TMEM179: variants seen among roughly 807,000 people sequenced by gnomAD.
The protein encoded by TMEM179 is transmembrane protein 179A.
In TMEM179, 17 loss-of-function variants were observed where a neutral mutation model predicts 22.2. That is an observed-to-expected ratio of 0.77 (90% CI 0.52 to 1.15). The LOEUF (loss-of-function observed/expected upper bound fraction) is 1.15, where lower values mean the gene tolerates loss of function less well. Among genes scored for constraint, TMEM179 ranks in the 50% most tolerant of loss-of-function variants. TMEM179 has a pLI of 0.00. For missense variants in TMEM179, 265 were observed against 313.6 expected, an observed-to-expected ratio of 0.84 and a Z score of 1.17; for synonymous variants, 127 against 140.5, an observed-to-expected ratio of 0.90 and a Z score of 0.68.
At chr14:104,601,686 C>T (rs906992558) in intron 1 of TMEM179, among the ~76,000 whole-genome samples, 1 of 152,102 alleles carries the variant, frequency 6.6e-6, no homozygotes, top group Non-Finnish European at 1.5e-5. Flanking sequence ...CACCAGATGT[C>T]CCTGGAAAAG....
intron 1 of TMEM179, among the ~76,000 whole-genome samples, chr14:104,603,118 C>A (rs559297696): frequency 6.6e-6 from 1 of 152,152 alleles, no homozygotes; most frequent in Non-Finnish European, 1.5e-5. Context: ...AGCCCCAGGG[C>A]GCTCCTACCC....
rs1339322910 is a variant in TMEM179 at position 104,604,296 on chromosome 14, G to T, written c.305+141C>A. ...TAGACAAAGGGCGGTCTGAGTGGAGGGGGTGAGGGCGGATTGTTGACATTT... is the reference window on the plus strand; with the variant it reads ...TAGACAAAGGGCGGTCTGAGTGGAGTGGGTGAGGGCGGATTGTTGACATTT... On this transcript the variant is annotated intron_variant, in intron 1 of 3. Coordinates refer to ENST00000556573, the MANE Select transcript of TMEM179 (RefSeq NM_001286389.2). The surrounding 1 kb of genome is among the most constrained non-coding windows in gnomAD (Gnocchi z 4.6). The T allele has an allele frequency of 2.2e-6, 2 of 908,462 alleles. No individual in the cohort carries two copies. The highest frequency in any genetic ancestry group is 3.2e-5 in the East Asian group (1 of 31,446). 56.3% of individuals were successfully genotyped at this position (908,462 alleles called of 1,614,324 possible). A position where few individuals can be genotyped will look rare whatever the true frequency, so the allele number is the denominator to read the frequency against.
In TMEM179 at chr14:104,604,398, C is replaced by T. The variant is rs769854769; in HGVS notation, c.305+39G>A. 6.2e-6 allele frequency: 9 copies of T among 1,461,374 alleles called. No homozygotes were observed. Among genetic ancestry groups the T allele is most frequent in the African/African-American group, 1.5e-5 (1 of 67,912 alleles). The allele number at this position is 1,461,374 out of a possible 1,614,324, so 90.5% of individuals were successfully genotyped here. A position where few individuals can be genotyped will look rare whatever the true frequency, so the allele number is the denominator to read the frequency against. The stretch of plus-strand genomic sequence containing the variant: ...GAGGTGGGTCTGGGGGCGCTGGGGG[C>T]ATGGAAGGGGCGCCGCGCCGGGAGC... On this transcript the variant is annotated intron_variant, in intron 1 of 3. Transcript: ENST00000556573. This position sits in a 1 kb window ranked among gnomAD's most constrained non-coding sequence, Gnocchi z 4.6.
At position 104,595,900 on chromosome 14, in the gene TMEM179, C is replaced by G. The variant is rs147354635; in HGVS notation, c.444-657G>C. On this transcript the variant is annotated intron_variant, in intron 2 of 3. Coordinates refer to ENST00000556573, the MANE Select transcript of TMEM179 (RefSeq NM_001286389.2). This position sits in a 1 kb window ranked among gnomAD's most constrained non-coding sequence, Gnocchi z 5.7. ...GGAGCAGGGTGCCAGAAAGAGGGGG[C>G]CCAGCGGCCCCAAATCCCTGGAGGG... Among the ~76,000 whole-genome samples, 1 of 152,362 alleles carries G rather than the reference C, an allele frequency of 6.6e-6. No homozygotes were observed. The highest frequency in any genetic ancestry group is 1.5e-5 in the Non-Finnish European group (1 of 68,034).
chr14:104,602,412 G>A (rs1041150465), intron 1 of TMEM179, among the ~76,000 whole-genome samples: 3 of 152,158 alleles, frequency 2.0e-5, no homozygotes, highest in East Asian at 3.9e-4. Context: ...AAGTGCGTGA[G>A]CGATGAACCA....
Position 104,597,150 on chromosome 14 carries a change from C to A in TMEM179, c.306-23G>T, listed in dbSNP as rs1887056543. ...GAGCTGCAGCCAGAAACAGGAGGGG[C>A]AGGCTCACTGGACACCACCTCCCAG... On this transcript the variant is annotated intron_variant, in intron 1 of 3. Transcript: ENST00000556573. This position sits in a 1 kb window ranked among gnomAD's most constrained non-coding sequence, Gnocchi z 4.8. 6.4e-7 allele frequency: 1 copy of A among 1,566,446 alleles called. No individual in the cohort carries two copies.
chr14:104,592,546 TCA>T lies in TMEM179; in HGVS notation c.*931_*932del, dbSNP rs542039646. ...TGCACACTCATATCCTCCCATGCAG[TCA>T]CACACTCTCACATGCAGTCACACCC... is the stretch of plus-strand genomic sequence containing the variant. On this transcript the variant is annotated 3_prime_UTR_variant, in exon 4 of 4. Coordinates refer to ENST00000556573, the MANE Select transcript of TMEM179 (RefSeq NM_001286389.2). The T allele has an allele frequency of 2.1e-4, 33 of 153,598 alleles. 1 individual carries two copies. Among genetic ancestry groups the T allele is most frequent in the Middle Eastern group, 6.7e-3 (2 of 300 alleles). The allele number at this position is 153,598 out of a possible 1,614,324, so 9.5% of individuals were successfully genotyped here. A position where few individuals can be genotyped will look rare whatever the true frequency, so the allele number is the denominator to read the frequency against.
In TMEM179 at chr14:104,597,628, A is replaced by AC. The variant is rs1256565496; in HGVS notation, c.306-502dup. On this transcript the variant is annotated intron_variant, in intron 1 of 3. Coordinates refer to ENST00000556573, the MANE Select transcript of TMEM179 (RefSeq NM_001286389.2). The surrounding 1 kb of genome is among the most constrained non-coding windows in gnomAD (Gnocchi z 4.8). Reference sequence around the variant, plus strand: ...TGAAATGAGTGCCCTCCTAGGAGAGACCCCACCAAGCGAGCTCCCAGCAGA... The same window carrying AC: ...TGAAATGAGTGCCCTCCTAGGAGAGACCCCCACCAAGCGAGCTCCCAGCAGA... 2.0e-5 allele frequency among the ~76,000 whole-genome samples: 3 copies of AC among 151,878 alleles called. No homozygotes were observed. Among genetic ancestry groups the AC allele is most frequent in the Non-Finnish European group, 4.4e-5 (3 of 67,954 alleles).
intron 1 of TMEM179, among the ~76,000 whole-genome samples, chr14:104,603,385 G>C (rs1290168969): frequency 1.3e-5 from 2 of 152,174 alleles, no homozygotes; most frequent in Non-Finnish European, 2.9e-5. Flanking sequence ...GGTGAGGGCA[G>C]AGTTTGGGAG....
In TMEM179 at chr14:104,604,510, T is replaced by TGGCGAGCAGGCTGAAGCGGCAGGCGGCC. The variant is rs1217069145; in HGVS notation, c.204_231dup (p.Ser78GlyfsTer82). Reference sequence around the variant, plus strand: ...GCGGCCAGCAGCAGAGACAGGAGGCTGGCGAGCAGGCTGAAGCGGCAGGCG... The same window carrying TGGCGAGCAGGCTGAAGCGGCAGGCGGCC: ...GCGGCCAGCAGCAGAGACAGGAGGCTGGCGAGCAGGCTGAAGCGGCAGGCGGCCGGCGAGCAGGCTGAAGCGGCAGGCG... On this transcript the variant is annotated frameshift_variant, in exon 1 of 4. Transcript: ENST00000556573. LOFTEE classifies it high-confidence loss of function. The surrounding 1 kb of genome is among the most constrained non-coding windows in gnomAD (Gnocchi z 4.6). 1 of 1,570,288 alleles carries TGGCGAGCAGGCTGAAGCGGCAGGCGGCC rather than the reference T, an allele frequency of 6.4e-7. No homozygotes were observed. The highest frequency in any genetic ancestry group is 2.4e-5 in the East Asian group (1 of 41,874).
chr14:104,598,164 G>C (rs76814181), intron 1 of TMEM179, among the ~76,000 whole-genome samples: 11 of 152,122 alleles, frequency 7.2e-5, no homozygotes, highest in East Asian at 1.9e-4. Flanking sequence ...AAAGTCCCTC[G>C]AATGGGCCTG....
At chr14:104,601,958 G>A (rs1159912698) in intron 1 of TMEM179, among the ~76,000 whole-genome samples, 1 of 152,160 alleles carries the variant, frequency 6.6e-6, no homozygotes, top group African/African-American at 2.4e-5. Context: ...CGGTCAGCAG[G>A]GCTGCAGCAG....
In TMEM179 at chr14:104,597,296, G is replaced by C. The variant is rs1287342851; in HGVS notation, c.306-169C>G. Among the ~76,000 whole-genome samples, 1 of 152,096 alleles carries C rather than the reference G, an allele frequency of 6.6e-6. No homozygotes were observed. The highest frequency in any genetic ancestry group is 6.5e-5 in the Admixed American group (1 of 15,280). ...CCTCAGGATTCCTGGGTTGGGCCCT[G>C]TGGGGCCTCAAGGAGTTGTTCCCCC... is the stretch of plus-strand genomic sequence containing the variant. On this transcript the variant is annotated intron_variant, in intron 1 of 3. Transcript: ENST00000556573. The surrounding 1 kb of genome is among the most constrained non-coding windows in gnomAD (Gnocchi z 4.8).
At chr14:104,596,177 C>T (rs542052790) in intron 2 of TMEM179, among the ~76,000 whole-genome samples, 1 of 152,264 alleles carries the variant, frequency 6.6e-6, no homozygotes, top group South Asian at 2.1e-4. Flanking sequence ...GGAGCCCCTT[C>T]AGCTCTGCTG....
Position 104,593,411 on chromosome 14 carries a change from C to T in TMEM179, c.*68G>A. ...CCAGGCAGAGCCCCCCAGCTGCTTC[C>T]CCAGGCAGGCCCGTGCCCCCGAGCG... On this transcript the variant is annotated 3_prime_UTR_variant, in exon 4 of 4. Coordinates refer to ENST00000556573, the MANE Select transcript of TMEM179 (RefSeq NM_001286389.2). 6.6e-7 allele frequency: 1 copy of T among 1,525,456 alleles called. No homozygotes were observed. The highest frequency in any genetic ancestry group is 8.8e-7 in the Non-Finnish European group (1 of 1,138,792). The allele number at this position is 1,525,456 out of a possible 1,614,324, so 94.5% of individuals were successfully genotyped here.
chr14:104,595,734 G>A lies in TMEM179; in HGVS notation c.444-491C>T, dbSNP rs1243332993. On this transcript the variant is annotated intron_variant, in intron 2 of 3. Transcript: ENST00000556573. The surrounding 1 kb of genome is among the most constrained non-coding windows in gnomAD (Gnocchi z 5.7). The stretch of plus-strand genomic sequence containing the variant: ...AGATGGAGGTGGCATCCCCACCAAC[G>A]CTGCCCAGAAGCTCTGCCCCCATCA... 6.6e-6 allele frequency among the ~76,000 whole-genome samples: 1 copy of A among 152,220 alleles called. No individual in the cohort carries two copies. Among genetic ancestry groups the A allele is most frequent in the South Asian group, 2.1e-4 (1 of 4,836 alleles).
Position 104,595,378 on chromosome 14 carries a change from G to A in TMEM179, c.444-135C>T. The A allele has an allele frequency of 1.2e-6, 1 of 827,576 alleles. No individual in the cohort carries two copies. Among genetic ancestry groups the A allele is most frequent in the South Asian group, 1.7e-5 (1 of 57,924 alleles). The allele number at this position is 827,576 out of a possible 1,614,324, so 51.3% of individuals were successfully genotyped here. ...AGGGGGTGGGCAGCAGGGAGTCTCT[G>A]GGGACATCACGGAGGGTTAGCCTCG... On this transcript the variant is annotated intron_variant, in intron 2 of 3. Transcript: ENST00000556573. This position sits in a 1 kb window ranked among gnomAD's most constrained non-coding sequence, Gnocchi z 5.7.
In TMEM179 at chr14:104,597,261, C is replaced by G. The variant is rs561668281; in HGVS notation, c.306-134G>C. On this transcript the variant is annotated intron_variant, in intron 1 of 3. Transcript: ENST00000556573. The surrounding 1 kb of genome is among the most constrained non-coding windows in gnomAD (Gnocchi z 4.8). Reference sequence around the variant, plus strand: ...TCCTGGGCAACCCCCACCAGCAGCACCCCCCGGACCCTCAGGATTCCTGGG... The same window carrying G: ...TCCTGGGCAACCCCCACCAGCAGCAGCCCCCGGACCCTCAGGATTCCTGGG... The G allele has an allele frequency of 9.9e-6, 12 of 1,214,204 alleles. No individual in the cohort carries two copies. In the East Asian group the frequency reaches 2.1e-4, roughly 21 times the overall value. The allele number at this position is 1,214,204 out of a possible 1,614,324, so 75.2% of individuals were successfully genotyped here.
In TMEM179 at chr14:104,593,331, A is replaced by C; in HGVS notation, c.*148T>G. ...CTCACAGGTGGGCACTGGGGCGCTC[A>C]CCTCACTACACGTGGCGTCGAGGGG... is the stretch of plus-strand genomic sequence containing the variant. On this transcript the variant is annotated 3_prime_UTR_variant, in exon 4 of 4. Coordinates refer to ENST00000556573, the MANE Select transcript of TMEM179 (RefSeq NM_001286389.2). 1.0e-6 allele frequency: 1 copy of C among 959,056 alleles called. No homozygotes were observed. The highest frequency in any genetic ancestry group is 2.6e-5 in the East Asian group (1 of 37,922). The allele number at this position is 959,056 out of a possible 1,614,324, so 59.4% of individuals were successfully genotyped here.
Sources: allele counts gnomAD v4.1 joint callset (sites outside exome capture counted in the v4.1 genomes callset), GRCh38; gene constraint gnomAD v4.1.1; non-coding constraint Gnocchi (gnomAD v3.1); transcripts MANE v1.5; gene names NCBI Gene and HGNC (gene_info 2026-07-23, HGNC 2026-07-21).